DEPDC5: variants seen among roughly 807,000 people sequenced by gnomAD.
DEPDC5 encodes DEP domain containing 5, GATOR1 subcomplex subunit.
A neutral mutation model predicts 217.3 loss-of-function variants in DEPDC5; 73 were observed. The observed-to-expected ratio is 0.34, with a 90% confidence interval of 0.28 to 0.41. The LOEUF (loss-of-function observed/expected upper bound fraction) is 0.41. DEPDC5 is among the 10% of genes least tolerant of loss of function. The probability of loss-of-function intolerance (pLI) is 1.00; values close to 1 mark genes in which losing one functional copy is unlikely to be tolerated. For missense variants in DEPDC5, 1,675 were observed against 2,070.1 expected (o/e 0.81, Z 3.70); for synonymous variants, 733 against 756.7 (o/e 0.97, Z 0.51).
chr22:31,897,613 C>T lies in DEPDC5; in HGVS notation c.4335C>T (p.Ile1445=), dbSNP rs551261047. The T allele has an allele frequency of 3.7e-6, 6 of 1,614,130 alleles. No homozygotes were observed. The East Asian group carries it at 1.3e-4, about 36-fold the overall frequency. The change falls in exon 40 of 43, where the codon ATC becomes ATT. Residue 1445 remains isoleucine (I), a synonymous_variant. Coordinates refer to ENST00000651528, the MANE Select transcript of DEPDC5 (RefSeq NM_001242896.3). ...CCCAGCTCTTCATCCCACTCAACATCAGCTGCTTGCTCAAGGAGGGCAGCG... is the reference window on the plus strand; with the variant it reads ...CCCAGCTCTTCATCCCACTCAACATTAGCTGCTTGCTCAAGGAGGGCAGCG... ...LRAQLFIPLN[I]SCLLKEGSEH... is the part of the protein sequence containing the mutation.
At chr22:31,819,745 T>C (rs575476360) in intron 22 of DEPDC5, among the ~76,000 whole-genome samples, 2 of 152,242 alleles carry the variant, frequency 1.3e-5, no homozygotes, top group South Asian at 4.1e-4. Context: ...GCTGGGATTA[T>C]AGATGTGAGC....
intron 31 of DEPDC5, among the ~76,000 whole-genome samples, chr22:31,856,169 A>G (rs888608568): frequency 6.6e-6 from 1 of 151,118 alleles, no homozygotes; most frequent in Non-Finnish European, 1.5e-5. Flanking sequence ...ACACACACAC[A>G]CACACACACA....
At chr22:31,844,942 C>T (rs1038801551) in intron 29 of DEPDC5, 76 bp from the exon 30 acceptor site, 3 of 1,478,862 alleles carry the variant, frequency 2.0e-6, no homozygotes, top group Admixed American at 1.7e-5. Flanking sequence ...ACACCAACTC[C>T]ACAGAGAGTT....
intron 38 of DEPDC5, among the ~76,000 whole-genome samples, chr22:31,885,836 C>A (rs571438858): frequency 1.3e-5 from 2 of 151,684 alleles, no homozygotes; most frequent in African/African-American, 4.8e-5. Context: ...GAATTTGAGA[C>A]CAGCCTGACC....
chr22:31,756,939 T>TA (rs200790162), intron 2 of DEPDC5, among the ~76,000 whole-genome samples: 5,097 of 143,582 alleles, frequency 0.035, 262 homozygotes, highest in African/African-American at 0.12. Context: ...TAAAAAATAA[T>TA]AAAAAAAAAA....
At chr22:31,790,161 C>G (rs2085454653) in intron 10 of DEPDC5, among the ~76,000 whole-genome samples, 1 of 152,182 alleles carries the variant, frequency 6.6e-6, no homozygotes, top group Non-Finnish European at 1.5e-5. Flanking sequence ...TCCTAGCACT[C>G]TGCTCTGGGT....
intron 12 of DEPDC5, among the ~76,000 whole-genome samples, chr22:31,795,541 C>T (rs1370779255): frequency 2.6e-5 from 4 of 151,342 alleles, no homozygotes; most frequent in African/African-American, 9.7e-5. Flanking sequence ...TGACAGGCAC[C>T]CGCCACCATG....
chr22:31,813,978 C>G (rs751478735), intron 20 of DEPDC5: 1 of 151,898 alleles, frequency 6.6e-6, no homozygotes, highest in African/African-American at 2.4e-5. Context: ...ACTAAAAATA[C>G]GAAAAAAGTA....
At chr22:31,888,290 C>G (rs2093363373) in intron 38 of DEPDC5, among the ~76,000 whole-genome samples, 1 of 130,890 alleles carries the variant, frequency 7.6e-6, no homozygotes, top group South Asian at 2.7e-4. Context: ...TGCTTTGTCG[C>G]CCAGGCTGGA....
chr22:31,811,456 G>T (rs770240233), intron 20 of DEPDC5, among the ~76,000 whole-genome samples: 1 of 152,118 alleles, frequency 6.6e-6, no homozygotes, highest in Non-Finnish European at 1.5e-5. Context: ...CTTGGACACA[G>T]CGTTTAAGTT....
rs2149452889 is a variant in DEPDC5 at position 31,907,436 on chromosome 22, G to A, written c.*939G>A. On this transcript the variant is annotated 3_prime_UTR_variant, in exon 43 of 43. Coordinates refer to ENST00000651528, the MANE Select transcript of DEPDC5 (RefSeq NM_001242896.3). ...AGTTTTCACTCTTGTTGCCCAGGCT[G>A]GAGTGCAATGGTGTGATCTCAGCTC... 1 of 152,232 alleles carries A rather than the reference G, an allele frequency of 6.6e-6. No homozygotes were observed. 9.4% of individuals were successfully genotyped at this position (152,232 alleles called of 1,614,324 possible).
chr22:31,882,534 G>A (rs1386565744), intron 38 of DEPDC5, among the ~76,000 whole-genome samples: 2 of 152,124 alleles, frequency 1.3e-5, no homozygotes, highest in East Asian at 3.8e-4. Context: ...AGAGGCGCTC[G>A]AACCAGCACA....
chr22:31,893,955 C>A, intron 39 of DEPDC5: 1 of 536,090 alleles, frequency 1.9e-6, no homozygotes, highest in Non-Finnish European at 3.0e-6. Context: ...GGTTTCTTAG[C>A]CTTAGCAGTA....
intron 23 of DEPDC5, 21 bp from the exon 24 acceptor site, chr22:31,822,672 G>T (rs1288848834): frequency 1.9e-6 from 3 of 1,613,002 alleles, no homozygotes; most frequent in Admixed American, 3.3e-5. Flanking sequence ...AAGCCAGGTG[G>T]CTGGGCTCTG....
intron 31 of DEPDC5, among the ~76,000 whole-genome samples, chr22:31,849,609 C>T (rs900864856): frequency 1.3e-5 from 2 of 151,778 alleles, no homozygotes; most frequent in African/African-American, 4.8e-5. Context: ...GGTGAAATCC[C>T]GTCTCTACTA....
At chr22:31,888,189 G>C (rs535002711) in intron 38 of DEPDC5, among the ~76,000 whole-genome samples, 1 of 149,868 alleles carries the variant, frequency 6.7e-6, no homozygotes, top group East Asian at 2.0e-4. Context: ...CAGCCCTGCA[G>C]CTCTTAGGCC....
chr22:31,843,595 A>ATTCTT (rs1196793237), intron 28 of DEPDC5, 50 bp from the exon 29 acceptor site: 2 of 1,563,456 alleles, frequency 1.3e-6, no homozygotes, highest in Non-Finnish European at 1.7e-6. Context: ...AATTGGCAGG[A>ATTCTT]ATTTGTCTCT....
At chr22:31,787,542 C>T (rs1368943953) in intron 10 of DEPDC5, among the ~76,000 whole-genome samples, 1 of 152,110 alleles carries the variant, frequency 6.6e-6, no homozygotes, top group African/African-American at 2.4e-5. Context: ...CCTGCTGGCT[C>T]ACACCTTTAA....
Position 31,893,623 on chromosome 22 carries a change from G to C in DEPDC5, c.4075G>C (p.Asp1359His), listed in dbSNP as rs1349593947. The C allele has an allele frequency of 5.0e-6, 8 of 1,613,168 alleles. No individual in the cohort carries two copies. Residue 1359 changes from aspartate to histidine, a missense_variant, in exon 39 of 43, where the codon GAC (aspartate) becomes CAC (histidine). Around this residue, in one of 11 missense-constraint regions of DEPDC5, gnomAD observed 182 missense variants for 290.1 expected, o/e 0.63. Transcript: ENST00000651528. Reference sequence around the variant, plus strand: ...GCAGAGGACTGTGACCCTGGATGTTGACGTGAACAACCGCACAGACCGGCT... The same window carrying C: ...GCAGAGGACTGTGACCCTGGATGTTCACGTGAACAACCGCACAGACCGGCT... The part of the protein sequence containing the change: ...PEQRTVTLDV[D>H]VNNRTDRLEW...
Sources: allele counts gnomAD v4.1 joint callset (sites outside exome capture counted in the v4.1 genomes callset), GRCh38; gene constraint gnomAD v4.1.1; regional missense constraint gnomAD v4.1.1; transcripts MANE v1.5; gene names NCBI Gene and HGNC (gene_info 2026-07-23, HGNC 2026-07-21).